Variants in PCDHA9 observed in about 807,000 individuals in gnomAD.
PCDHA9 encodes the protein protocadherin alpha-9.
A neutral mutation model predicts 62.0 loss-of-function variants in PCDHA9; 62 were observed. The observed-to-expected ratio is 1.00, with a 90% CI of 0.81 to 1.23. The LOEUF is 1.23. PCDHA9 is among the 50% of genes most tolerant of loss of function. The pLI is 0.00. For missense variants in PCDHA9, 1,205 were observed against 1,249.8 expected, an observed-to-expected ratio of 0.96 and a Z score of 0.54; for synonymous variants, 557 against 567.6, an observed-to-expected ratio of 0.98 and a Z score of 0.27.
chr5:140,869,445 G>T, intron 1 of PCDHA9: 2 of 1,614,232 alleles, frequency 1.2e-6, no homozygotes, highest in Non-Finnish European at 1.7e-6. Flanking sequence ...ACAGGCCGCT[G>T]CAGGTTTTCC....
chr5:140,928,570 C>A (rs2085340367), intron 1 of PCDHA9: 1 of 1,614,196 alleles, frequency 6.2e-7, no homozygotes, highest in South Asian at 1.1e-5. Flanking sequence ...GTTTCCCTTG[C>A]CCAGAAATGG....
Position 140,934,368 on chromosome 5 carries a change from CCTT to C in PCDHA9, c.2395-44578_2395-44576del, listed in dbSNP as rs1168343483. Among the ~76,000 whole-genome samples, 5 of 152,220 alleles carry C rather than the reference CCTT, an allele frequency of 3.3e-5. No homozygotes were observed. In the South Asian group the frequency reaches 1.0e-3, roughly 32 times the overall value. On this transcript the variant is annotated intron_variant, in intron 1 of 3. Transcript: ENST00000532602. ...ACAGTGTGGAGCCACTGCTTTGACT[CCTT>C]CTGTGGTTCTATGGTGGCCAGCTTT...
At chr5:140,875,886 A>C (rs201813340) in intron 1 of PCDHA9, 1 of 1,614,176 alleles carries the variant, frequency 6.2e-7, no homozygotes, top group Non-Finnish European at 8.5e-7. Flanking sequence ...AAAGGGAACA[A>C]AAGGTACCTG....
intron 1 of PCDHA9, among the ~76,000 whole-genome samples, chr5:140,974,870 A>G (rs781837180): frequency 9.9e-5 from 15 of 152,182 alleles, no homozygotes; most frequent in African/African-American, 1.4e-4. Context: ...AATGCGGAAC[A>G]GTCTATGTAT....
At chr5:140,884,469 C>A in intron 1 of PCDHA9, 1 of 1,613,766 alleles carries the variant, frequency 6.2e-7, no homozygotes, top group Non-Finnish European at 8.5e-7. Flanking sequence ...GCGTGCGCGC[C>A]GGGCAAGCCC....
chr5:140,883,184 G>T (rs1341554668), intron 1 of PCDHA9: 10 of 1,613,756 alleles, frequency 6.2e-6, no homozygotes, highest in Non-Finnish European at 8.5e-6. Flanking sequence ...TAGGACAAAA[G>T]GCAAACTAGA....
At chr5:140,892,144 G>A (rs549500463) in intron 1 of PCDHA9, among the ~76,000 whole-genome samples, 45 of 152,220 alleles carry the variant, frequency 3.0e-4, no homozygotes, top group African/African-American at 1.1e-3. Context: ...TGGTTTTAGC[G>A]TCTATTTCTG....
intron 1 of PCDHA9, chr5:140,861,256 C>T (rs553582293): frequency 1.8e-5 from 3 of 166,694 alleles, no homozygotes; most frequent in African/African-American, 7.2e-5. Flanking sequence ...GCCAGGAATC[C>T]CGGAGCCTAC....
chr5:140,851,473 G>A, intron 1 of PCDHA9: 4 of 889,518 alleles, frequency 4.5e-6, no homozygotes, highest in African/African-American at 1.8e-5. Context: ...GTCAATAAAT[G>A]TTATAAACAC....
chr5:140,918,473 T>G (rs1385942505), intron 1 of PCDHA9, among the ~76,000 whole-genome samples: 1 of 152,284 alleles, frequency 6.6e-6, no homozygotes, highest in East Asian at 1.9e-4. Context: ...ATTCCAAGTC[T>G]CAAGGGGAAT....
chr5:140,848,505 T>G lies in PCDHA9; in HGVS notation c.10T>G (p.Ser4Ala). Residue 4 changes from serine to alanine, a missense_variant, in exon 1 of 4, where the codon TCA (serine) becomes GCA (alanine). Coordinates refer to ENST00000532602, the MANE Select transcript of PCDHA9 (RefSeq NM_031857.2). MLY[S>A]SRGDPEGQPL... The stretch of plus-strand genomic sequence containing the variant: ...AGACTGAGTATTTGAAATGTTATAC[T>G]CAAGTCGAGGAGATCCAGAGGGTCA... The G allele has an allele frequency of 6.3e-7, 1 of 1,587,952 alleles. No homozygotes were observed. The highest frequency in any genetic ancestry group is 1.1e-5 in the South Asian group (1 of 89,718).
Position 140,928,819 on chromosome 5 carries a change from G to A in PCDHA9, c.2395-50130G>A, listed in dbSNP as rs1464149149. On this transcript the variant is annotated intron_variant, in intron 1 of 3. Coordinates refer to ENST00000532602, the MANE Select transcript of PCDHA9 (RefSeq NM_031857.2). ...GGTGGTAGTGGTTCGGGACCATGGAGACCCACCACTTTCCTCCTCTGTCAC... is the reference window on the plus strand; with the variant it reads ...GGTGGTAGTGGTTCGGGACCATGGAAACCCACCACTTTCCTCCTCTGTCAC... 8 of 1,614,024 alleles carry A rather than the reference G, an allele frequency of 5.0e-6. No homozygotes were observed. In the Admixed American group the frequency reaches 1.0e-4, roughly 20 times the overall value.
chr5:140,869,205 C>A (rs782278064), intron 1 of PCDHA9: 1 of 1,613,994 alleles, frequency 6.2e-7, no homozygotes, highest in Non-Finnish European at 8.5e-7. Flanking sequence ...TCCACTACTC[C>A]GTCTCGGAGG....
At chr5:140,948,856 ATATTACTTCGGGTTTACTTT>A (rs1364138889) in intron 1 of PCDHA9, among the ~76,000 whole-genome samples, 11 of 151,588 alleles carry the variant, frequency 7.3e-5, no homozygotes, top group African/African-American at 2.7e-4. Context: ...TTGCCTTCTT[ATATTACTTCGGGTTTACTTT>A]GCTCTCTTTT....
intron 1 of PCDHA9, chr5:140,853,078 AC>A (rs1285082508): frequency 6.7e-6 from 2 of 297,432 alleles, no homozygotes; most frequent in African/African-American, 4.6e-5. Context: ...ATGGGGTTTC[AC>A]CGTGTTAGTC....
intron 1 of PCDHA9, among the ~76,000 whole-genome samples, chr5:140,895,125 G>T (rs1165797883): frequency 2.0e-5 from 3 of 152,068 alleles, no homozygotes; most frequent in African/African-American, 7.2e-5. Flanking sequence ...TTTGTTAGTT[G>T]ACAAGTTCAT....
At chr5:140,998,754 C>T (rs2097832847) in intron 3 of PCDHA9, among the ~76,000 whole-genome samples, 1 of 152,056 alleles carries the variant, frequency 6.6e-6, no homozygotes, top group African/African-American at 2.4e-5. Context: ...AGAAGAGACA[C>T]AGTTTCACTA....
intron 1 of PCDHA9, chr5:140,967,271 A>T (rs1007708043): frequency 6.2e-7 from 1 of 1,613,338 alleles, no homozygotes; most frequent in African/African-American, 1.3e-5. Context: ...GCGCTTTCAC[A>T]TAGAGAGTGC....
chr5:140,865,315 G>A (rs183867521), intron 1 of PCDHA9: 43 of 152,182 alleles, frequency 2.8e-4, no homozygotes, highest in African/African-American at 7.9e-4. Flanking sequence ...CAAATGAGAT[G>A]GCCTTTAATT....
Sources: gnomAD v4.1 joint callset for allele counts (sites outside exome capture counted in the v4.1 genomes callset) on GRCh38, gnomAD v4.1.1 for gene constraint, MANE v1.5 for transcripts, NCBI Gene and HGNC (gene_info 2026-07-23, HGNC 2026-07-21) for gene names.